FAM161A: variants seen among roughly 807,000 people sequenced by gnomAD.
The protein encoded by FAM161A is protein FAM161A.
FAM161A carries 57 observed loss-of-function variants against 70.9 expected under a neutral mutation model. The ratio of observed to expected loss-of-function variants is 0.80; its 90% CI spans 0.65 to 1.00. The LOEUF is 1.00. Ranked by LOEUF, FAM161A falls within the 50% of genes least tolerant of loss-of-function variation. The probability of loss-of-function intolerance (pLI) is 0.00; values close to 1 mark genes in which losing one functional copy is unlikely to be tolerated. For missense variants in FAM161A, 880 were observed against 836.0 expected (o/e 1.05, Z -0.65); for synonymous variants, 299 against 295.7 (o/e 1.01, Z -0.12).
chr2:61,850,083 T>C (rs566013965), intron 1 of FAM161A, among the ~76,000 whole-genome samples: 1 of 152,210 alleles, frequency 6.6e-6, no homozygotes, highest in African/African-American at 2.4e-5. Context: ...TGCACCTCTG[T>C]ATCTAAAATA....
intron 1 of FAM161A, 21 bp downstream of exon 1, chr2:61,853,838 C>G: frequency 6.2e-7 from 1 of 1,613,748 alleles, no homozygotes; most frequent in Non-Finnish European, 8.5e-7. Context: ...GGTCCCAGCC[C>G]AAGTCCCGCC....
intron 1 of FAM161A, among the ~76,000 whole-genome samples, chr2:61,846,088 CAAAAAAAAAAAAAA>C (rs35291624): frequency 1.4e-5 from 1 of 69,020 alleles, no homozygotes; most frequent in Non-Finnish European, 2.6e-5. Context: ...GACTCTGTCT[CAAAAAAAAAAAAAA>C]AAAAAAAAAA....
the FAM161A span, among the ~76,000 whole-genome samples, chr2:61,804,756 AAGAAAAAGAAAG>A: frequency 9.4e-6 from 1 of 106,232 alleles, no homozygotes; most frequent in Non-Finnish European, 1.9e-5. Flanking sequence ...AAAAGAAAGA[AAGAAAAAGAAAG>A]AGAAAGAAAG....
At position 61,839,462 on chromosome 2, in the gene FAM161A, G is replaced by T; in HGVS notation, c.1542C>A (p.Pro514=). The T allele has an allele frequency of 6.2e-7, 1 of 1,614,130 alleles. No homozygotes were observed. Among genetic ancestry groups the T allele is most frequent in the South Asian group, 1.1e-5 (1 of 91,074 alleles). The change falls in exon 3 of 7, where the codon CCC becomes CCA. Residue 514 remains proline (P), a synonymous_variant. Transcript: ENST00000404929. ...GTCCTCTGGAAGATACCGTGGGCACGGGAGGGTTGCAGTTACAAGGCACAG... is the reference window on the plus strand; with the variant it reads ...GTCCTCTGGAAGATACCGTGGGCACTGGAGGGTTGCAGTTACAAGGCACAG... The part of the protein sequence containing the change: ...VNPVPCNCNP[P]VPTVSSRGRE...
In FAM161A at chr2:61,839,520, C is replaced by G. The variant is rs201998260; in HGVS notation, c.1484G>C (p.Arg495Pro). The G allele has an allele frequency of 4.4e-5, 71 of 1,614,068 alleles. No individual in the cohort carries two copies. Among genetic ancestry groups the G allele is most frequent in the Non-Finnish European group, 5.4e-5 (64 of 1,180,038 alleles). The change falls in exon 3 of 7, where the codon CGT becomes CCT. Residue 495 changes from arginine (R) to proline (P), a missense_variant. By Grantham distance (103) the Arg-to-Pro change is moderately radical. Coordinates refer to ENST00000404929, the MANE Select transcript of FAM161A (RefSeq NM_001201543.2). The stretch of plus-strand genomic sequence containing the variant: ...ACCTGCACATCTTACTGGTGACTTA[C>G]GCCTTGGAGACAAATAAGGCCAACG... ...ETRWPYLSPR[R>P]KSPVRCAGVN...
the FAM161A span, among the ~76,000 whole-genome samples, chr2:61,805,078 G>T: frequency 6.6e-6 from 1 of 151,968 alleles, no homozygotes; most frequent in Non-Finnish European, 1.5e-5. Flanking sequence ...CTTTTCTCCT[G>T]ACCCCAAATT....
chr2:61,801,653 T>A, the FAM161A span, among the ~76,000 whole-genome samples: 1 of 151,724 alleles, frequency 6.6e-6, no homozygotes, highest in Non-Finnish European at 1.5e-5. Context: ...TGCAACCTCT[T>A]GTGTTCAAGC....
rs754095620 is a variant in FAM161A, at chr2:61,839,998, C to T, written c.1006G>A (p.Ala336Thr). 13 of 1,614,072 alleles carry T rather than the reference C, an allele frequency of 8.1e-6. No individual in the cohort carries two copies. The Admixed American group carries it at 1.7e-4, about 21-fold the overall frequency. ...TCTCTCAGCTGCTTTTCCCGGGCTG[C>T]TCGCTTCTGTTCCTCCCTTGCTATA... ...KFIAREEQKR[A>T]AREKQLRDFL... The change falls in exon 3 of 7, where the codon GCA (alanine) becomes ACA (threonine). Residue 336 changes from alanine (A) to threonine (T), a missense_variant. Ala to Thr is a moderately conservative substitution (Grantham distance 58). Transcript: ENST00000404929.
chr2:61,804,471 G>C, the FAM161A span, among the ~76,000 whole-genome samples: 1 of 151,986 alleles, frequency 6.6e-6, no homozygotes, highest in Non-Finnish European at 1.5e-5. Context: ...GATCACCTGA[G>C]GTCAGGAGTT....
Position 61,826,544 on chromosome 2 carries a change from T to C in FAM161A, c.2062A>G (p.Ile688Val), listed in dbSNP as rs750019920. 6.2e-7 allele frequency: 1 copy of C among 1,601,982 alleles called. No homozygotes were observed. The highest frequency in any genetic ancestry group is 8.5e-7 in the Non-Finnish European group (1 of 1,172,098). ...ERENGEENYFIDTNSQDSYKE... is the reference protein window; with the variant it reads ...ERENGEENYFVDTNSQDSYKE... ...TAAGAATCCTGGCTGTTGGTATCAA[T>C]AAAATAATTTTCTTCCCCATTCTCT... is the stretch of plus-strand genomic sequence containing the variant. The change falls in exon 7 of 7, where the codon ATT becomes GTT. Residue 688 changes from isoleucine to valine, a missense_variant. Physicochemically the swap from Ile to Val is conservative, Grantham distance 29. Coordinates refer to ENST00000404929, the MANE Select transcript of FAM161A (RefSeq NM_001201543.2).
In FAM161A at chr2:61,825,558, GGAT is replaced by G. The variant is rs1558472187; in HGVS notation, c.*894_*896del. On this transcript the variant is annotated 3_prime_UTR_variant, in exon 7 of 7. Coordinates refer to ENST00000404929, the MANE Select transcript of FAM161A (RefSeq NM_001201543.2). Reference sequence around the variant, plus strand: ...TAGAACTAAGGATAAAAAGAAAAAGGGATGATGGTGTAGACAATTTAACAGTAA... The same window carrying G: ...TAGAACTAAGGATAAAAAGAAAAAGGGATGGTGTAGACAATTTAACAGTAA... The G allele has an allele frequency of 2.3e-6, 1 of 440,706 alleles. No homozygotes were observed. Among genetic ancestry groups the G allele is most frequent in the Non-Finnish European group, 4.5e-6 (1 of 223,728 alleles). 27.3% of individuals were successfully genotyped at this position (440,706 alleles called of 1,614,324 possible).
rs1174401511 is a variant in FAM161A at position 61,825,685 on chromosome 2, T to A, written c.*770A>T. The stretch of plus-strand genomic sequence containing the variant: ...CGGAGTCTCGCTCTGTTGCCCAAGC[T>A]GGAGTGCAGTGGCGCGATCTCGGCT... On this transcript the variant is annotated 3_prime_UTR_variant, in exon 7 of 7. Transcript: ENST00000404929. The A allele has an allele frequency of 2.4e-6, 1 of 424,990 alleles. No homozygotes were observed. The highest frequency in any genetic ancestry group is 7.0e-5 in the East Asian group (1 of 14,258). 26.3% of individuals were successfully genotyped at this position (424,990 alleles called of 1,614,324 possible). A position where few individuals can be genotyped will look rare whatever the true frequency, so the allele number is the denominator to read the frequency against.
At chr2:61,822,179 C>A (rs1672216057), downstream of FAM161A, among the ~76,000 whole-genome samples, 1 of 151,790 alleles carries the variant, frequency 6.6e-6, no homozygotes, top group Admixed American at 6.6e-5. Flanking sequence ...ACCTGTAATC[C>A]TAACACTTTG....
Position 61,827,148 on chromosome 2 carries a change from G to A in FAM161A, c.1962C>T (p.Tyr654=). Residue 654 remains tyrosine (Y), a synonymous_variant, in exon 6 of 7, where the codon TAC becomes TAT. Coordinates refer to ENST00000404929, the MANE Select transcript of FAM161A (RefSeq NM_001201543.2). ...CACTTTTCGTCTCTTGATTGTTGAA[G>A]TACTCAAGTACTTTTCCACTTTGGC... ...KKGQSGKVLE[Y]FNNQETKSVT... is the part of the protein sequence containing the mutation. 6.2e-7 allele frequency: 1 copy of A among 1,613,844 alleles called. No individual in the cohort carries two copies. Among genetic ancestry groups the A allele is most frequent in the Non-Finnish European group, 8.5e-7 (1 of 1,179,968 alleles).
At chr2:61,820,209 G>T, downstream of FAM161A, 1 of 578,984 alleles carries the variant, frequency 1.7e-6, no homozygotes, top group Non-Finnish European at 3.1e-6. Context: ...TCATGTCTAA[G>T]TCAGTCTCCT....
At chr2:61,811,962 G>A in the FAM161A span, among the ~76,000 whole-genome samples, 8 of 152,016 alleles carry the variant, frequency 5.3e-5, no homozygotes, top group South Asian at 2.1e-4. Flanking sequence ...CTCTCTCCAC[G>A]TCTCACTGCT....
downstream of FAM161A, among the ~76,000 whole-genome samples, chr2:61,819,863 T>C (rs573790590): frequency 6.6e-6 from 1 of 152,340 alleles, no homozygotes; most frequent in Admixed American, 6.5e-5. Context: ...GCATTCAAGA[T>C]GAATGAATAT....
At chr2:61,805,548 C>A in the FAM161A span, among the ~76,000 whole-genome samples, 7 of 152,138 alleles carry the variant, frequency 4.6e-5, no homozygotes, top group Admixed American at 6.6e-5. Flanking sequence ...CCCTTACTTG[C>A]AAGCCATTGG....
chr2:61,822,009 T>C (rs1672212980), downstream of FAM161A, among the ~76,000 whole-genome samples: 1 of 151,126 alleles, frequency 6.6e-6, no homozygotes, highest in Non-Finnish European at 1.5e-5. Context: ...CCTCAAGTAA[T>C]CTGCCTGCCT....
Sources: allele counts gnomAD v4.1 joint callset (sites outside exome capture counted in the v4.1 genomes callset), GRCh38; gene constraint gnomAD v4.1.1; transcripts MANE v1.5; gene names NCBI Gene and HGNC (gene_info 2026-07-23, HGNC 2026-07-21).